ZC3HAV1: variants seen among roughly 807,000 people sequenced by gnomAD.
The protein encoded by ZC3HAV1 is zinc finger CCCH-type containing, antiviral 1.
A neutral mutation model predicts 86.6 loss-of-function variants in ZC3HAV1; 41 were observed. That is an observed-to-expected ratio of 0.47 (90% CI 0.37 to 0.61). ZC3HAV1 has a LOEUF of 0.61. Ranked by LOEUF, ZC3HAV1 falls within the 20% of genes least tolerant of loss-of-function variation. ZC3HAV1 has a pLI of 0.00. For missense variants in ZC3HAV1, 964 were observed against 1,141.1 expected (o/e 0.84, Z 2.24); for synonymous variants, 421 against 432.1 (o/e 0.97, Z 0.32).
intron 5 of ZC3HAV1, among the ~76,000 whole-genome samples, chr7:139,076,895 A>T (rs1011951466): frequency 2.0e-5 from 3 of 151,930 alleles, no homozygotes; most frequent in Middle Eastern, 3.2e-3. Flanking sequence ...CTGTCTCAAA[A>T]AAAAAAAAGA....
At chr7:139,097,428 A>ATTTTTTTTTTTTTTT (rs11291842) in intron 1 of ZC3HAV1, among the ~76,000 whole-genome samples, 13 of 48,156 alleles carry the variant, frequency 2.7e-4, no homozygotes, top group Admixed American at 9.0e-4. Flanking sequence ...ATATATATAT[A>ATTTTTTTTTTTTTTT]TTTTTTTTTT....
intron 1 of ZC3HAV1, among the ~76,000 whole-genome samples, chr7:139,104,746 A>AG (rs1817879180): frequency 7.0e-6 from 1 of 142,042 alleles, no homozygotes; most frequent in Non-Finnish European, 1.5e-5. Context: ...AAAAAAAAAA[A>AG]GTCAAACAAG....
At chr7:139,065,115 C>T in intron 7 of ZC3HAV1, 116 bp from the exon 8 acceptor site, 7 of 1,399,272 alleles carry the variant, frequency 5.0e-6, no homozygotes, top group Non-Finnish European at 4.8e-6. Flanking sequence ...GCTTCCCAAA[C>T]CAGATTGTAA....
At chr7:139,075,587 G>A (rs754173990) in intron 6 of ZC3HAV1, among the ~76,000 whole-genome samples, 2 of 152,082 alleles carry the variant, frequency 1.3e-5, no homozygotes, top group South Asian at 4.1e-4. Context: ...CCACAGGTGC[G>A]TGCTACCATG....
At position 139,082,705 on chromosome 7, in the gene ZC3HAV1, A is replaced by G. The variant is rs188103825; in HGVS notation, c.697+1075T>C. Among the ~76,000 whole-genome samples the G allele has an allele frequency of 3.3e-5, 5 of 152,318 alleles. No homozygotes were observed. The East Asian group carries it at 9.6e-4, about 29-fold the overall frequency. On this transcript the variant is annotated intron_variant, in intron 3 of 12. Transcript: ENST00000242351. ...GGATGAACCCTGAGGACATCATGCT[A>G]AGTGAAATAAGCCAGTCAGAAAAGG... is the stretch of plus-strand genomic sequence containing the variant.
intron 1 of ZC3HAV1, among the ~76,000 whole-genome samples, chr7:139,093,674 C>T (rs1023943483): frequency 2.0e-5 from 3 of 152,312 alleles, no homozygotes; most frequent in East Asian, 3.9e-4. Context: ...CCACTACCTA[C>T]CCAAATCCTA....
rs1046803570 is a variant in ZC3HAV1 at position 139,058,455 on chromosome 7, A to T, written c.2096+2581T>A. On this transcript the variant is annotated intron_variant, in intron 9 of 12. Coordinates refer to ENST00000242351, the MANE Select transcript of ZC3HAV1 (RefSeq NM_020119.4). ...CTAACCCCCAACCCCCCCCCCCCCC[A>T]CAAAAAAACACCAAAATATTTCAAG... Among the ~76,000 whole-genome samples the T allele has an allele frequency of 9.4e-5, 6 of 64,118 alleles. No individual in the cohort carries two copies. In the South Asian group the frequency reaches 3.4e-3, roughly 36 times the overall value. 42.1% of individuals were successfully genotyped at this position (64,118 alleles called of 152,430 possible). A position where few individuals can be genotyped will look rare whatever the true frequency, so the allele number is the denominator to read the frequency against.
chr7:139,073,949 A>G lies in ZC3HAV1; in HGVS notation c.1779T>C (p.Ser593=), dbSNP rs750239427. ...SFPIRRLSTP[S]SVTKPANSVF... ...CAGAATTGGCTGGCTTGGTGACAGAAGAAGGAGTGGAGAGGCGTCGGATGG... is the reference window on the plus strand; with the variant it reads ...CAGAATTGGCTGGCTTGGTGACAGAGGAAGGAGTGGAGAGGCGTCGGATGG... Residue 593 remains serine (S), a synonymous_variant, in exon 7 of 13, where the codon TCT becomes TCC. Transcript: ENST00000242351. 1.2e-6 allele frequency: 2 copies of G among 1,614,082 alleles called. No individual in the cohort carries two copies. The highest frequency in any genetic ancestry group is 2.2e-5 in the South Asian group (2 of 91,088).
Position 139,065,422 on chromosome 7 carries a change from G to A in ZC3HAV1, c.1873-423C>T, listed in dbSNP as rs142849125. Among the ~76,000 whole-genome samples the A allele has an allele frequency of 1.2e-3, 176 of 152,330 alleles. 2 individuals carry two copies. The highest frequency in any genetic ancestry group is 3.9e-3 in the African/African-American group (161 of 41,570). On this transcript the variant is annotated intron_variant, in intron 7 of 12. Coordinates refer to ENST00000242351, the MANE Select transcript of ZC3HAV1 (RefSeq NM_020119.4). The stretch of plus-strand genomic sequence containing the variant: ...TTCTAGCCACGCACGGTTTACAGTA[G>A]TCGTGAAGGGAAGTAAAGAAAGACC...
At chr7:139,081,214 G>T (rs1266104207) in intron 3 of ZC3HAV1, among the ~76,000 whole-genome samples, 3 of 152,088 alleles carry the variant, frequency 2.0e-5, no homozygotes, top group Non-Finnish European at 4.4e-5. Context: ...GCATGTCTGT[G>T]TTTGAGGCAC....
chr7:139,080,355 C>T, intron 3 of ZC3HAV1, 112 bp from the exon 4 acceptor site: 1 of 1,306,438 alleles, frequency 7.7e-7, no homozygotes, highest in Non-Finnish European at 1.1e-6. Flanking sequence ...TATCCAAGTG[C>T]TATCAAATTA....
At chr7:139,084,907 C>T (rs1174258479) in intron 2 of ZC3HAV1, among the ~76,000 whole-genome samples, 1 of 152,212 alleles carries the variant, frequency 6.6e-6, no homozygotes, top group Non-Finnish European at 1.5e-5. Flanking sequence ...CAGTATGGTT[C>T]ACTGTGATCT....
intron 1 of ZC3HAV1, among the ~76,000 whole-genome samples, chr7:139,103,412 T>A (rs898314469): frequency 1.1e-4 from 17 of 151,670 alleles, no homozygotes; most frequent in East Asian, 1.9e-4. Context: ...AGGAAAAAAA[T>A]TTTTTTTGAA....
intron 2 of ZC3HAV1, among the ~76,000 whole-genome samples, chr7:139,084,951 A>AG (rs1393225018): frequency 6.6e-6 from 1 of 152,204 alleles, no homozygotes; most frequent in Non-Finnish European, 1.5e-5. Context: ...AAACCCCACT[A>AG]GCAATGATTT....
chr7:139,108,084 A>G lies in ZC3HAV1; in HGVS notation c.308+940T>C, dbSNP rs1425472256. ...GGAAAAGATGAGTTTGACTCCATGG[A>G]CAGGACACACGCGGGAGAGGAAGGG... On this transcript the variant is annotated intron_variant, in intron 1 of 12. Transcript: ENST00000242351. This position sits in a 1 kb window ranked among gnomAD's most constrained non-coding sequence, Gnocchi z 4.2. 1.3e-5 allele frequency among the ~76,000 whole-genome samples: 2 copies of G among 152,126 alleles called. No individual in the cohort carries two copies. Among genetic ancestry groups the G allele is most frequent in the African/African-American group, 4.8e-5 (2 of 41,428 alleles).
rs565653216 is a variant in ZC3HAV1 at position 139,092,717 on chromosome 7, T to C, written c.309-2958A>G. Among the ~76,000 whole-genome samples the C allele has an allele frequency of 2.6e-5, 4 of 152,350 alleles. No homozygotes were observed. The South Asian group carries it at 8.3e-4, about 32-fold the overall frequency. On this transcript the variant is annotated intron_variant, in intron 1 of 12. Coordinates refer to ENST00000242351, the MANE Select transcript of ZC3HAV1 (RefSeq NM_020119.4). The stretch of plus-strand genomic sequence containing the variant: ...TCATGTCTGAAAGAAAAGTCAAAGC[T>C]AGCCCATGCTGCACTGGCTGGGGTC...
At chr7:139,094,299 C>T (rs1455426217) in intron 1 of ZC3HAV1, among the ~76,000 whole-genome samples, 5 of 152,000 alleles carry the variant, frequency 3.3e-5, no homozygotes, top group South Asian at 2.1e-4. Flanking sequence ...TCAGGGCCAC[C>T]TCCCCAAAAA....
In ZC3HAV1 at chr7:139,109,667, G is replaced by A. The variant is rs1485621136; in HGVS notation, c.-336C>T. ...TCGGTTCTAGGCTCGGCGAGGGTGAGGTTCTCCAGCCGGGCTCCGCGAGCC... is the reference window on the plus strand; with the variant it reads ...TCGGTTCTAGGCTCGGCGAGGGTGAAGTTCTCCAGCCGGGCTCCGCGAGCC... On this transcript the variant is annotated 5_prime_UTR_variant, in exon 1 of 13. Coordinates refer to ENST00000242351, the MANE Select transcript of ZC3HAV1 (RefSeq NM_020119.4). 1.2e-5 allele frequency: 3 copies of A among 254,438 alleles called. No individual in the cohort carries two copies. The highest frequency in any genetic ancestry group is 5.4e-5 in the Admixed American group (1 of 18,434). The allele number at this position is 254,438 out of a possible 1,614,324, so 15.8% of individuals were successfully genotyped here. A position where few individuals can be genotyped will look rare whatever the true frequency, so the allele number is the denominator to read the frequency against.
chr7:139,072,066 G>A (rs1187961663), intron 7 of ZC3HAV1, among the ~76,000 whole-genome samples: 4 of 152,146 alleles, frequency 2.6e-5, no homozygotes, highest in African/African-American at 7.2e-5. Flanking sequence ...CCACTGACTC[G>A]TAATTATTAG....
Sources: allele counts gnomAD v4.1 joint callset (sites outside exome capture counted in the v4.1 genomes callset), GRCh38; gene constraint gnomAD v4.1.1; non-coding constraint Gnocchi (gnomAD v3.1); transcripts MANE v1.5; gene names NCBI Gene and HGNC (gene_info 2026-07-23, HGNC 2026-07-21).